Variants in CRMP1 observed in about 807,000 individuals in gnomAD.
CRMP1 encodes dihydropyrimidinase-related protein 1.
CRMP1 carries 19 observed loss-of-function variants against 68.3 expected under a neutral mutation model. That is an observed-to-expected ratio of 0.28 (90% CI 0.19 to 0.41). CRMP1 has a LOEUF of 0.41. Among genes scored for constraint, CRMP1 ranks in the 10% least tolerant of loss-of-function variants. The pLI, the probability that CRMP1 is intolerant of heterozygous loss-of-function variation, is 1.00. For synonymous variants in CRMP1, 439 were observed against 399.6 expected (o/e 1.10, Z -1.18); for missense variants, 791 against 967.4 (o/e 0.82, Z 2.42).
In CRMP1 at chr4:5,860,103, G is replaced by A. The variant is rs1039422394; in HGVS notation, c.655+923C>T. On this transcript the variant is annotated intron_variant, in intron 3 of 13. Transcript: ENST00000324989. This position sits in a 1 kb window ranked among gnomAD's most constrained non-coding sequence, Gnocchi z 4.2. ...CTGCTGGGGAGTGGTCTCACTGCCC[G>A]CAGTGTTTCCTTCCCTCCCCAACCT... 5.9e-5 allele frequency among the ~76,000 whole-genome samples: 9 copies of A among 152,214 alleles called. No individual in the cohort carries two copies. In the East Asian group the frequency reaches 7.8e-4, roughly 13 times the overall value.
chr4:5,873,770 C>G (rs1714623582), intron 1 of CRMP1, among the ~76,000 whole-genome samples: 1 of 152,090 alleles, frequency 6.6e-6, no homozygotes. Flanking sequence ...TCAGAAGCAG[C>G]CTGGCATGCC....
chr4:5,841,442 AC>A lies in CRMP1; in HGVS notation c.1033-15del. 6.2e-7 allele frequency: 1 copy of A among 1,613,606 alleles called. No homozygotes were observed. The highest frequency in any genetic ancestry group is 8.5e-7 in the Non-Finnish European group (1 of 1,179,576). On this transcript the variant is annotated splice_polypyrimidine_tract_variant and intron_variant, in intron 7 of 13. Coordinates refer to ENST00000324989, the MANE Select transcript of CRMP1 (RefSeq NM_001014809.3). This position sits in a 1 kb window ranked among gnomAD's most constrained non-coding sequence, Gnocchi z 6.9. Reference sequence around the variant, plus strand: ...CTCGGCCTCCAGCTGAACACGGCACACACAGTGTCACAGGAGGGAAGGCTGG... The same window carrying A: ...CTCGGCCTCCAGCTGAACACGGCACAACAGTGTCACAGGAGGGAAGGCTGG...
rs1711806911 is a variant in CRMP1, at chr4:5,842,364, G to A, written c.1032+729C>T. On this transcript the variant is annotated intron_variant, in intron 7 of 13. Coordinates refer to ENST00000324989, the MANE Select transcript of CRMP1 (RefSeq NM_001014809.3). The surrounding 1 kb of genome is among the most constrained non-coding windows in gnomAD (Gnocchi z 4.5). ...GAGTCACTTGAACCCAGGAAGCGGAGGCTGCAGTGAACCGAGATCATACCA... is the reference window on the plus strand; with the variant it reads ...GAGTCACTTGAACCCAGGAAGCGGAAGCTGCAGTGAACCGAGATCATACCA... Among the ~76,000 whole-genome samples, 2 of 150,864 alleles carry A rather than the reference G, an allele frequency of 1.3e-5. No individual in the cohort carries two copies. Among genetic ancestry groups the A allele is most frequent in the African/African-American group, 4.9e-5 (2 of 40,910 alleles).
rs893154955 is a variant in CRMP1, at chr4:5,889,660, G to A, written c.381+2929C>T. The A allele has an allele frequency of 1.4e-4, 215 of 1,536,030 alleles. No individual in the cohort carries two copies. The highest frequency in any genetic ancestry group is 1.8e-4 in the Non-Finnish European group (211 of 1,146,912). ...ACTTCGTTGTTCATTTTCTGCATGC[G>A]AAATCCAACCCCACAGGTCCTATGA... On this transcript the variant is annotated intron_variant, in intron 1 of 13. Transcript: ENST00000324989. This position sits in a 1 kb window ranked among gnomAD's most constrained non-coding sequence, Gnocchi z 4.5.
At chr4:5,832,780 C>G (rs1720465210) in intron 11 of CRMP1, among the ~76,000 whole-genome samples, 1 of 152,172 alleles carries the variant, frequency 6.6e-6, no homozygotes, top group Non-Finnish European at 1.5e-5. Flanking sequence ...GATGGGTAAC[C>G]TTGGGTATAT....
In CRMP1 at chr4:5,889,755, C is replaced by A; in HGVS notation, c.381+2834G>T. 6.5e-7 allele frequency: 1 copy of A among 1,534,714 alleles called. No homozygotes were observed. The highest frequency in any genetic ancestry group is 1.2e-5 in the South Asian group (1 of 83,922). ...GTGGCCTAGGCTTGGTACAGCTCCC[C>A]CAGCACTGTGGTTGGGGGCTGGGGC... On this transcript the variant is annotated intron_variant, in intron 1 of 13. Transcript: ENST00000324989. The surrounding 1 kb of genome is among the most constrained non-coding windows in gnomAD (Gnocchi z 4.5).
At chr4:5,833,507 C>T (rs1560488702) in intron 11 of CRMP1, among the ~76,000 whole-genome samples, 1 of 152,008 alleles carries the variant, frequency 6.6e-6, no homozygotes, top group Non-Finnish European at 1.5e-5. Flanking sequence ...TTTAAACCAC[C>T]CAACCTGTGG....
chr4:5,827,939 C>T (rs1719945921), intron 12 of CRMP1: 1 of 670,986 alleles, frequency 1.5e-6, no homozygotes, highest in Non-Finnish European at 1.8e-6. Context: ...TGACAGATGT[C>T]CTGAGGTCAG....
chr4:5,877,642 A>T lies in CRMP1; in HGVS notation c.382-10886T>A, dbSNP rs1049554635. 1.3e-5 allele frequency among the ~76,000 whole-genome samples: 2 copies of T among 152,180 alleles called. No individual in the cohort carries two copies. Among genetic ancestry groups the T allele is most frequent in the Non-Finnish European group, 2.9e-5 (2 of 68,040 alleles). Reference sequence around the variant, plus strand: ...ATGAGCCTGAATCTAATTAACACACATTCGTTCCCCCTCTCACGGGTAGGG... The same window carrying T: ...ATGAGCCTGAATCTAATTAACACACTTTCGTTCCCCCTCTCACGGGTAGGG... On this transcript the variant is annotated intron_variant, in intron 1 of 13. Coordinates refer to ENST00000324989, the MANE Select transcript of CRMP1 (RefSeq NM_001014809.3). The surrounding 1 kb of genome is among the most constrained non-coding windows in gnomAD (Gnocchi z 4.3).
Position 5,843,287 on chromosome 4 carries a change from G to A in CRMP1, c.964-126C>T, listed in dbSNP as rs1173257262. On this transcript the variant is annotated intron_variant, in intron 6 of 13. Transcript: ENST00000324989. This position sits in a 1 kb window ranked among gnomAD's most constrained non-coding sequence, Gnocchi z 4.1. ...CAAAGAGGCGAGTGGCTTGCACTAGGTTAACAGTGTGCGGGGTGGGGGCAG... is the reference window on the plus strand; with the variant it reads ...CAAAGAGGCGAGTGGCTTGCACTAGATTAACAGTGTGCGGGGTGGGGGCAG... The A allele has an allele frequency of 6.0e-6, 5 of 836,192 alleles. No individual in the cohort carries two copies. The East Asian group carries it at 1.3e-4, about 22-fold the overall frequency. 51.8% of individuals were successfully genotyped at this position (836,192 alleles called of 1,614,324 possible).
rs987479450 is a variant in CRMP1 at position 5,888,658 on chromosome 4, C to T, written c.381+3931G>A. 8 of 974,196 alleles carry T rather than the reference C, an allele frequency of 8.2e-6. No homozygotes were observed. The African/African-American group carries it at 1.2e-4, about 15-fold the overall frequency. 60.3% of individuals were successfully genotyped at this position (974,196 alleles called of 1,614,324 possible). A position where few individuals can be genotyped will look rare whatever the true frequency, so the allele number is the denominator to read the frequency against. On this transcript the variant is annotated intron_variant, in intron 1 of 13. Coordinates refer to ENST00000324989, the MANE Select transcript of CRMP1 (RefSeq NM_001014809.3). This position sits in a 1 kb window ranked among gnomAD's most constrained non-coding sequence, Gnocchi z 6.4. ...CCCCCCACCCGCCCAGCCCCGCCGACCCCCGCCCTGCGCACACGCCCTTGG... is the reference window on the plus strand; with the variant it reads ...CCCCCCACCCGCCCAGCCCCGCCGATCCCCGCCCTGCGCACACGCCCTTGG...
chr4:5,858,475 G>A lies in CRMP1; in HGVS notation c.656-2168C>T, dbSNP rs998710831. 7.9e-5 allele frequency among the ~76,000 whole-genome samples: 12 copies of A among 151,930 alleles called. No individual in the cohort carries two copies. Among genetic ancestry groups the A allele is most frequent in the African/African-American group, 2.7e-4 (11 of 41,444 alleles). ...CCACAGCCAGAGGCCCAGGTCACCC[G>A]TGGCACTTCCTTTCCCTCACATGCC... On this transcript the variant is annotated intron_variant, in intron 3 of 13. Transcript: ENST00000324989. This position sits in a 1 kb window ranked among gnomAD's most constrained non-coding sequence, Gnocchi z 5.5.
chr4:5,887,533 T>A (rs1442730823), intron 1 of CRMP1: 4 of 984,942 alleles, frequency 4.1e-6, no homozygotes, highest in Non-Finnish European at 3.6e-6. Context: ...GATTCCTTTG[T>A]TTCCGGCCAC....
chr4:5,840,196 G>T (rs528360079), intron 8 of CRMP1, among the ~76,000 whole-genome samples: 2 of 152,134 alleles, frequency 1.3e-5, no homozygotes, highest in Admixed American at 6.5e-5. Context: ...AGTCCTGCTC[G>T]GGAACACGCC....
rs58583102 is a variant in CRMP1 at position 5,891,175 on chromosome 4, TACACAC to T, written c.381+1408_381+1413del. On this transcript the variant is annotated intron_variant, in intron 1 of 13. Transcript: ENST00000324989. This position sits in a 1 kb window ranked among gnomAD's most constrained non-coding sequence, Gnocchi z 5.2. ...TGATCACCCCACCACCACACACACA[TACACAC>T]ACACACACACACACACACACACACA... Among the ~76,000 whole-genome samples the T allele has an allele frequency of 1.7e-3, 228 of 132,058 alleles. No homozygotes were observed. The highest frequency in any genetic ancestry group is 5.7e-3 in the African/African-American group (197 of 34,492). 86.6% of individuals were successfully genotyped at this position (132,058 alleles called of 152,430 possible). A position where few individuals can be genotyped will look rare whatever the true frequency, so the allele number is the denominator to read the frequency against.
Position 5,839,532 on chromosome 4 carries a change from G to A in CRMP1, c.1300C>T (p.Leu434=), listed in dbSNP as rs771881348. 8.1e-6 allele frequency: 13 copies of A among 1,609,068 alleles called. No individual in the cohort carries two copies. Among genetic ancestry groups the A allele is most frequent in the Non-Finnish European group, 1.1e-5 (13 of 1,177,984 alleles). The change falls in exon 9 of 14, where the codon CTA becomes TTA. Residue 434 remains leucine, a synonymous_variant. Coordinates refer to ENST00000324989, the MANE Select transcript of CRMP1 (RefSeq NM_001014809.3). ...DPTTPDYLTS[L]LACGDLQVTG... is the part of the protein sequence containing the mutation. Reference sequence around the variant, plus strand: ...TCTCACAGGTCTCACCAGGCCAGTAGGGAGGTCAAGTAGTCGGGCGTGGTA... The same window carrying A: ...TCTCACAGGTCTCACCAGGCCAGTAAGGAGGTCAAGTAGTCGGGCGTGGTA...
At position 5,821,050 on chromosome 4, in the gene CRMP1, A is replaced by G. The variant is rs1418690792; in HGVS notation, c.*710T>C. On this transcript the variant is annotated 3_prime_UTR_variant, in exon 14 of 14. Transcript: ENST00000324989. The surrounding 1 kb of genome is among the most constrained non-coding windows in gnomAD (Gnocchi z 4.4). Reference sequence around the variant, plus strand: ...GAACCTGGCTCGGCCTGAAGCCTAGAGCTGGCTTGAAGAACACACACAGAC... The same window carrying G: ...GAACCTGGCTCGGCCTGAAGCCTAGGGCTGGCTTGAAGAACACACACAGAC... 2 of 152,244 alleles carry G rather than the reference A, an allele frequency of 1.3e-5. No individual in the cohort carries two copies. The highest frequency in any genetic ancestry group is 1.3e-4 in the Admixed American group (2 of 15,280). The allele number at this position is 152,244 out of a possible 1,614,324, so 9.4% of individuals were successfully genotyped here.
At position 5,889,254 on chromosome 4, in the gene CRMP1, G is replaced by A. The variant is rs2152477589; in HGVS notation, c.381+3335C>T. Among the ~76,000 whole-genome samples, 1 of 152,280 alleles carries A rather than the reference G, an allele frequency of 6.6e-6. No homozygotes were observed. The highest frequency in any genetic ancestry group is 1.5e-5 in the Non-Finnish European group (1 of 68,024). On this transcript the variant is annotated intron_variant, in intron 1 of 13. Transcript: ENST00000324989. The surrounding 1 kb of genome is among the most constrained non-coding windows in gnomAD (Gnocchi z 4.5). ...AATGCTGACCTGTTCTACTCCAACA[G>A]CAGCTCCCTCATCACACAGCAGCCT...
At chr4:5,829,476 A>G (rs1320655656) in intron 11 of CRMP1, among the ~76,000 whole-genome samples, 1 of 152,162 alleles carries the variant, frequency 6.6e-6, no homozygotes, top group Non-Finnish European at 1.5e-5. Context: ...TCACCAGCCA[A>G]CTGCTTTTTA....
Sources: allele counts gnomAD v4.1 joint callset (sites outside exome capture counted in the v4.1 genomes callset), GRCh38; gene constraint gnomAD v4.1.1; non-coding constraint Gnocchi (gnomAD v3.1); transcripts MANE v1.5; gene names NCBI Gene and HGNC (gene_info 2026-07-23, HGNC 2026-07-21).